Variants in KRI1 observed in about 807,000 individuals in gnomAD.
KRI1 encodes the protein protein KRI1 homolog.
Under a neutral mutation model 97.0 loss-of-function variants are expected in KRI1, and 83 were observed. The ratio of observed to expected loss-of-function variants is 0.86; its 90% CI spans 0.72 to 1.03. KRI1 has a LOEUF of 1.03. Ranked by LOEUF, KRI1 falls within the 50% of genes least tolerant of loss-of-function variation. The pLI is 0.00. For synonymous variants in KRI1, 371 were observed against 363.5 expected, an observed-to-expected ratio of 1.02 and a Z score of -0.23; for missense variants, 916 against 928.4, an observed-to-expected ratio of 0.99 and a Z score of 0.17.
At chr19:10,562,056 TTTC>T (rs1916720325) in intron 4 of KRI1, among the ~76,000 whole-genome samples, 2 of 150,848 alleles carry the variant, frequency 1.3e-5, no homozygotes, top group South Asian at 4.3e-4. Context: ...GGTGACAGCA[TTTC>T]TTTTTTGGAG....
Position 10,555,362 on chromosome 19 carries a change from GGA to G in KRI1, c.1618-15_1618-14del. 6.2e-7 allele frequency: 1 copy of G among 1,609,504 alleles called. No homozygotes were observed. Among genetic ancestry groups the G allele is most frequent in the Non-Finnish European group, 8.5e-7 (1 of 1,178,050 alleles). On this transcript the variant is annotated splice_polypyrimidine_tract_variant and intron_variant, in intron 16 of 18. Transcript: ENST00000312962. ...CAGCAGCGAGGATCTGCGTGGGAAGGGAGAGTGGGGACCTGCTGTGATATTGC... is the reference window on the plus strand; with the variant it reads ...CAGCAGCGAGGATCTGCGTGGGAAGGGAGTGGGGACCTGCTGTGATATTGC...
In KRI1 at chr19:10,555,250, TGCGCATGTGGCCCCGCC is replaced by T; in HGVS notation, c.1682+18_1682+34del. On this transcript the variant is annotated intron_variant, in intron 17 of 18. Coordinates refer to ENST00000312962, the MANE Select transcript of KRI1 (RefSeq NM_023008.5). ...GCCCGAGGCTGCCCGCCCTGCCCCCTGCGCATGTGGCCCCGCCGCGCCCCGCCCCATCACCTGTACAT... is the reference window on the plus strand; with the variant it reads ...GCCCGAGGCTGCCCGCCCTGCCCCCTGCGCCCCGCCCCATCACCTGTACAT... 1.3e-6 allele frequency: 1 copy of T among 798,986 alleles called. No individual in the cohort carries two copies. The highest frequency in any genetic ancestry group is 1.7e-6 in the Non-Finnish European group (1 of 589,518). The allele number at this position is 798,986 out of a possible 1,614,324, so 49.5% of individuals were successfully genotyped here.
At chr19:10,560,844 G>A (rs1916669857) in intron 8 of KRI1, among the ~76,000 whole-genome samples, 159 bp downstream of exon 8, 1 of 152,180 alleles carries the variant, frequency 6.6e-6, no homozygotes, top group South Asian at 2.1e-4. Flanking sequence ...GATTACAGGT[G>A]TGAACCACGG....
Position 10,555,362 on chromosome 19 carries a change from G to GGA in KRI1, c.1618-15_1618-14dup, listed in dbSNP as rs1568420841. The GGA allele has an allele frequency of 6.2e-7, 1 of 1,609,504 alleles. No individual in the cohort carries two copies. The highest frequency in any genetic ancestry group is 1.1e-5 in the South Asian group (1 of 90,892). On this transcript the variant is annotated splice_polypyrimidine_tract_variant and intron_variant, in intron 16 of 18. Transcript: ENST00000312962. ...CAGCAGCGAGGATCTGCGTGGGAAGGGAGAGTGGGGACCTGCTGTGATATT... is the reference window on the plus strand; with the variant it reads ...CAGCAGCGAGGATCTGCGTGGGAAGGGAGAGAGTGGGGACCTGCTGTGATATT...
chr19:10,564,940 T>C lies in KRI1; in HGVS notation c.263A>G (p.Tyr88Cys), dbSNP rs764294360. 6.2e-6 allele frequency: 10 copies of C among 1,609,694 alleles called. No homozygotes were observed. The Admixed American group carries it at 1.0e-4, about 16-fold the overall frequency. Reference sequence around the variant, plus strand: ...GAGTGGCCCCGGACCTGTTCTGTTATAGAAGGTGGCATCTTTCTGATAAAT... The same window carrying C: ...GAGTGGCCCCGGACCTGTTCTGTTACAGAAGGTGGCATCTTTCTGATAAAT... ...PRIYQKDATF[Y>C]NRTASSSDSE... Residue 88 changes from tyrosine to cysteine, a missense_variant, in exon 3 of 19, where the codon TAT (tyrosine) becomes TGT (cysteine). Around this residue, in one of 3 missense-constraint regions of KRI1, gnomAD observed 173 missense variants for 153.1 expected, o/e 1.13. Transcript: ENST00000312962.
chr19:10,560,656 C>A (rs1916666425), intron 8 of KRI1, among the ~76,000 whole-genome samples: 1 of 152,198 alleles, frequency 6.6e-6, no homozygotes, highest in Non-Finnish European at 1.5e-5. Flanking sequence ...GACCCAACCT[C>A]CCGGGCTCAC....
At chr19:10,565,410 A>G in intron 2 of KRI1, 1 of 519,720 alleles carries the variant, frequency 1.9e-6, no homozygotes. Flanking sequence ...TGGCGCAAGG[A>G]GTACACTAAA....
Position 10,553,854 on chromosome 19 carries a change from A to G in KRI1, c.*97T>C. The G allele has an allele frequency of 9.5e-7, 1 of 1,055,940 alleles. No homozygotes were observed. The highest frequency in any genetic ancestry group is 1.7e-5 in the South Asian group (1 of 57,410). 65.4% of individuals were successfully genotyped at this position (1,055,940 alleles called of 1,614,324 possible). A position where few individuals can be genotyped will look rare whatever the true frequency, so the allele number is the denominator to read the frequency against. On this transcript the variant is annotated 3_prime_UTR_variant, in exon 19 of 19. Transcript: ENST00000312962. ...TTACAGGCGTGCCTGGCCACAGATG[A>G]GAGGATCTCTGCAGCAGATAGTACT...
In KRI1 at chr19:10,565,372, G is replaced by A. The variant is rs993873989; in HGVS notation, c.169-338C>T. 5 of 523,526 alleles carry A rather than the reference G, an allele frequency of 9.6e-6. No individual in the cohort carries two copies. The African/African-American group carries it at 9.9e-5, about 10-fold the overall frequency. The allele number at this position is 523,526 out of a possible 1,614,324, so 32.4% of individuals were successfully genotyped here. ...GCCGCACAGTGGGGCCAGGATCAGG[G>A]CTGATGTGAGAAGTTGGGCGCCCCA... On this transcript the variant is annotated intron_variant, in intron 2 of 18. Coordinates refer to ENST00000312962, the MANE Select transcript of KRI1 (RefSeq NM_023008.5).
intron 18 of KRI1, 52 bp downstream of exon 18, chr19:10,555,035 G>T: frequency 2.1e-6 from 3 of 1,458,124 alleles, no homozygotes; most frequent in Non-Finnish European, 1.9e-6. Context: ...CAAGACTCAA[G>T]CCTGGGCCTG....
rs1916817665 is a variant in KRI1, at chr19:10,564,982, T to C, written c.221A>G (p.Lys74Arg). The C allele has an allele frequency of 6.2e-7, 1 of 1,613,820 alleles. No individual in the cohort carries two copies. ...CTGATAAATGCGGGGGTCCTTCTTC[T>C]TCAACAAGGAGAGCGTTTTGTAAAA... ...RDFYKTLSLL[K>R]KKDPRIYQKD... Residue 74 changes from lysine (K) to arginine (R), a missense_variant, in exon 3 of 19, where the codon AAG becomes AGG. By Grantham distance (26) the Lys-to-Arg change is conservative (BLOSUM62 2). This residue lies in a region of KRI1 where 173 missense variants were observed against 153.1 expected (regional missense o/e 1.13). Coordinates refer to ENST00000312962, the MANE Select transcript of KRI1 (RefSeq NM_023008.5).
chr19:10,562,575 C>G (rs1210073364), intron 4 of KRI1, among the ~76,000 whole-genome samples, 154 bp downstream of exon 4: 1 of 151,352 alleles, frequency 6.6e-6, no homozygotes. Context: ...TCAAGCGATC[C>G]TATTGCCTCA....
chr19:10,558,106 G>A, intron 13 of KRI1, 46 bp from the exon 14 acceptor site: 1 of 1,613,492 alleles, frequency 6.2e-7, no homozygotes, highest in Non-Finnish European at 8.5e-7. Flanking sequence ...TGGGACCTTG[G>A]GCTTCAGTCC....
chr19:10,562,400 G>A (rs1366982972), intron 4 of KRI1, among the ~76,000 whole-genome samples: 1 of 151,102 alleles, frequency 6.6e-6, no homozygotes, highest in African/African-American at 2.4e-5. Context: ...CTGGAGTGCA[G>A]TGGCCTGATC....
In KRI1 at chr19:10,561,658, C is replaced by T; in HGVS notation, c.488+9G>A. 1.9e-6 allele frequency: 3 copies of T among 1,613,908 alleles called. No homozygotes were observed. The highest frequency in any genetic ancestry group is 1.7e-6 in the Non-Finnish European group (2 of 1,179,852). On this transcript the variant is annotated intron_variant, in intron 6 of 18. Transcript: ENST00000312962. ...CTCCATTGGGCCATTCCCGCCCACC[C>T]AGCCTCACCTTTCCTTGAGCTGTTT...
chr19:10,559,064 G>A (rs1478103257), intron 12 of KRI1, among the ~76,000 whole-genome samples: 1 of 150,472 alleles, frequency 6.6e-6, no homozygotes, highest in East Asian at 2.0e-4. Flanking sequence ...GAATGCAGTG[G>A]CATGATCTCG....
At chr19:10,554,448 C>T (rs1458362524) in intron 18 of KRI1, among the ~76,000 whole-genome samples, 167 bp from the exon 19 acceptor site, 3 of 152,168 alleles carry the variant, frequency 2.0e-5, no homozygotes, top group Non-Finnish European at 4.4e-5. Context: ...CCAAAGCCAG[C>T]GCTTTTCTAC....
intron 18 of KRI1, 126 bp from the exon 19 acceptor site, chr19:10,554,407 G>A (rs1005680028): frequency 2.5e-6 from 2 of 787,848 alleles, no homozygotes; most frequent in Non-Finnish European, 4.0e-6. Context: ...GCGACCGAGG[G>A]CCTGCCTGGG....
Position 10,559,550 on chromosome 19 carries a change from G to C in KRI1, c.1024-21C>G, listed in dbSNP as rs748778099. The stretch of plus-strand genomic sequence containing the variant: ...TTCTCCTGCAGGCCCAGGCAGAGAG[G>C]GGGAGGGCATGGGCTTTCCTCCAGG... On this transcript the variant is annotated intron_variant, in intron 11 of 18. Transcript: ENST00000312962. The C allele has an allele frequency of 6.8e-6, 11 of 1,613,844 alleles. No individual in the cohort carries two copies. The East Asian group carries it at 8.9e-5, about 13-fold the overall frequency.
Sources: gnomAD v4.1 joint callset for allele counts (sites outside exome capture counted in the v4.1 genomes callset) on GRCh38, gnomAD v4.1.1 for gene constraint, gnomAD v4.1.1 regional missense constraint, MANE v1.5 for transcripts, NCBI Gene and HGNC (gene_info 2026-07-23, HGNC 2026-07-21) for gene names.